Variants in TSPEAR observed in about 807,000 individuals in gnomAD.
TSPEAR encodes thrombospondin type laminin G domain and EAR repeats, also known as thrombospondin-type laminin G domain and EAR repeat-containing protein.
Under a neutral mutation model 71.6 loss-of-function variants are expected in TSPEAR, and 69 were observed. The observed-to-expected ratio is 0.96, with a 90% CI of 0.79 to 1.18. The LOEUF is 1.18. Ranked by LOEUF, TSPEAR falls within the 50% of genes most tolerant of loss-of-function variation. The pLI is 0.00. For missense variants in TSPEAR, 971 were observed against 894.9 expected (o/e 1.09, Z -1.09); for synonymous variants, 402 against 387.2 (o/e 1.04, Z -0.45).
At chr21:44,547,572 T>C (rs1239561127) in intron 2 of TSPEAR, among the ~76,000 whole-genome samples, 2 of 152,256 alleles carry the variant, frequency 1.3e-5, no homozygotes, top group African/African-American at 4.8e-5. Context: ...TGCTTGTTTA[T>C]GTCAAGTTAA....
chr21:44,567,879 C>T lies in TSPEAR; in HGVS notation c.209G>A (p.Ser70Asn), dbSNP rs376627339. 5.6e-6 allele frequency: 9 copies of T among 1,608,680 alleles called. No individual in the cohort carries two copies. The highest frequency in any genetic ancestry group is 6.8e-6 in the Non-Finnish European group (8 of 1,176,606). The change falls in exon 2 of 12, where the codon AGC (serine) becomes AAC (asparagine). Residue 70 changes from serine (S) to asparagine (N), a missense_variant. Ser to Asn is a conservative substitution (Grantham distance 46). Coordinates refer to ENST00000323084, the MANE Select transcript of TSPEAR (RefSeq NM_144991.3). The stretch of plus-strand genomic sequence containing the variant: ...GGAGAAAATCCTGGATGCTGGGAAG[C>T]TCATGGTGCGGGGGGCGGCTACTGA... The part of the protein sequence containing the change: ...QLSVAAPRTM[S>N]FPASRIFSQC...
rs1555953347 is a variant in TSPEAR at position 44,710,337 on chromosome 21, C to T, written c.82+1096G>A. 6.6e-6 allele frequency among the ~76,000 whole-genome samples: 1 copy of T among 152,156 alleles called. No homozygotes were observed. Among genetic ancestry groups the T allele is most frequent in the East Asian group, 1.9e-4 (1 of 5,192 alleles). On this transcript the variant is annotated intron_variant, in intron 1 of 11. Coordinates refer to ENST00000323084, the MANE Select transcript of TSPEAR (RefSeq NM_144991.3). This position sits in a 1 kb window ranked among gnomAD's most constrained non-coding sequence, Gnocchi z 4.6. Reference sequence around the variant, plus strand: ...AATGGTTCCAGCACGGAAGGTCTACCTACCTCCCACTGCACAGCCCGAGGG... The same window carrying T: ...AATGGTTCCAGCACGGAAGGTCTACTTACCTCCCACTGCACAGCCCGAGGG...
chr21:44,579,575 G>T (rs1200845519), intron 1 of TSPEAR: 2 of 717,984 alleles, frequency 2.8e-6, no homozygotes, highest in Admixed American at 5.9e-5. Flanking sequence ...CAGGCAGGTG[G>T]GCCCCTGCTG....
intron 9 of TSPEAR, chr21:44,516,648 C>T (rs143894401): frequency 3.9e-5 from 6 of 152,324 alleles, no homozygotes; most frequent in Middle Eastern, 3.4e-3. Flanking sequence ...ATGTCAGCCC[C>T]CAGAGCCAGG....
rs143842544 is a variant in TSPEAR at position 44,660,094 on chromosome 21, A to G, written c.82+51339T>C. ...ATTGACCAAATTAAAACACAAAGAG[A>G]AAGAGAAAGAGAAGGGTGGAGGGAG... is the stretch of plus-strand genomic sequence containing the variant. On this transcript the variant is annotated intron_variant, in intron 1 of 11. Coordinates refer to ENST00000323084, the MANE Select transcript of TSPEAR (RefSeq NM_144991.3). Among the ~76,000 whole-genome samples the G allele has an allele frequency of 4.4e-3, 675 of 152,266 alleles. 6 individuals carry two copies. The highest frequency in any genetic ancestry group is 0.016 in the African/African-American group (652 of 41,538).
chr21:44,649,473 G>A (rs368884959), intron 1 of TSPEAR, among the ~76,000 whole-genome samples: 3 of 152,086 alleles, frequency 2.0e-5, no homozygotes, highest in Admixed American at 6.5e-5. Flanking sequence ...CGCTACCCAC[G>A]TGTGCCAACA....
At chr21:44,647,184 C>G (rs782429833) in intron 1 of TSPEAR, 2 of 1,613,820 alleles carry the variant, frequency 1.2e-6, no homozygotes, top group South Asian at 2.2e-5. Flanking sequence ...TCCTCTGCCA[C>G]CCCGTGTGCA....
chr21:44,543,603 T>A (rs782273134), intron 2 of TSPEAR, among the ~76,000 whole-genome samples: 1 of 152,144 alleles, frequency 6.6e-6, no homozygotes, highest in Admixed American at 6.5e-5. Flanking sequence ...TTAAATCCAA[T>A]GTCTAGTGTC....
intron 1 of TSPEAR, among the ~76,000 whole-genome samples, chr21:44,651,243 C>T (rs1458107815): frequency 6.6e-6 from 1 of 152,220 alleles, no homozygotes; most frequent in East Asian, 1.9e-4. Context: ...CTTGTCTCTC[C>T]TCCCCTTTTC....
intron 1 of TSPEAR, among the ~76,000 whole-genome samples, chr21:44,701,096 T>A (rs1987626093): frequency 6.6e-6 from 1 of 152,026 alleles, no homozygotes; most frequent in East Asian, 1.9e-4. Context: ...GCAGATTGAT[T>A]AGATTGCTGA....
chr21:44,591,834 A>G (rs1979898394), intron 1 of TSPEAR: 2 of 1,597,828 alleles, frequency 1.3e-6, no homozygotes, highest in Non-Finnish European at 1.7e-6. Flanking sequence ...AGGTGCAGCA[A>G]GTTGGCTGGC....
At chr21:44,504,962 A>G in intron 10 of TSPEAR, 81 bp from the exon 11 acceptor site, 2 of 1,149,560 alleles carry the variant, frequency 1.7e-6, no homozygotes, top group South Asian at 2.5e-5. Flanking sequence ...CTACCTCCAA[A>G]ATTTATAGAG....
intron 1 of TSPEAR, chr21:44,666,748 G>T: frequency 1.2e-6 from 2 of 1,613,954 alleles, no homozygotes; most frequent in Middle Eastern, 1.6e-4. Flanking sequence ...AAGCTCACGG[G>T]CACACACACG....
chr21:44,586,479 A>T (rs1342140066), intron 1 of TSPEAR, among the ~76,000 whole-genome samples: 2 of 152,132 alleles, frequency 1.3e-5, no homozygotes, highest in African/African-American at 4.8e-5. Flanking sequence ...CCAAGAGAAA[A>T]TTCACAAGCC....
intron 2 of TSPEAR, among the ~76,000 whole-genome samples, chr21:44,562,816 C>A (rs1043830929): frequency 1.3e-5 from 2 of 152,128 alleles, no homozygotes; most frequent in Admixed American, 1.3e-4. Flanking sequence ...CCAGATAAAT[C>A]AAAACTGAGG....
chr21:44,672,037 G>T (rs1986078532), intron 1 of TSPEAR, among the ~76,000 whole-genome samples: 6 of 151,948 alleles, frequency 3.9e-5, no homozygotes, highest in Admixed American at 3.9e-4. Flanking sequence ...TCCTGGAAAT[G>T]AATAATTCAA....
chr21:44,528,101 G>A (rs587640519), intron 6 of TSPEAR, among the ~76,000 whole-genome samples: 4 of 152,276 alleles, frequency 2.6e-5, no homozygotes, highest in South Asian at 4.1e-4. Context: ...GGTACCACGC[G>A]ATGCCCAGCC....
At position 44,506,437 on chromosome 21, in the gene TSPEAR, TC is replaced by T. The variant is rs1299608945; in HGVS notation, c.1755-1557del. The stretch of plus-strand genomic sequence containing the variant: ...CAGTTCAGGCAGCAGAGGGGCCTCA[TC>T]CCGGTGCTTCCCTGCAGGCAGTTGT... On this transcript the variant is annotated intron_variant, in intron 10 of 11. Transcript: ENST00000323084. This position sits in a 1 kb window ranked among gnomAD's most constrained non-coding sequence, Gnocchi z 4.2. 1.3e-5 allele frequency among the ~76,000 whole-genome samples: 2 copies of T among 152,238 alleles called. No homozygotes were observed. Among genetic ancestry groups the T allele is most frequent in the African/African-American group, 2.4e-5 (1 of 41,464 alleles).
chr21:44,499,244 G>A lies in TSPEAR; in HGVS notation c.*539C>T, dbSNP rs1380130570. ...TCTCTGTATGGGGAGGTGGTCCTCT[G>A]TCCGTGTCCGTGGTGAGGGGCTGTG... On this transcript the variant is annotated 3_prime_UTR_variant, in exon 12 of 12. Transcript: ENST00000323084. The A allele has an allele frequency of 6.5e-6, 1 of 152,690 alleles. No homozygotes were observed. The highest frequency in any genetic ancestry group is 1.5e-5 in the Non-Finnish European group (1 of 68,222). The allele number at this position is 152,690 out of a possible 1,614,324, so 9.5% of individuals were successfully genotyped here.
Sources: gnomAD v4.1 joint callset for allele counts (sites outside exome capture counted in the v4.1 genomes callset) on GRCh38, gnomAD v4.1.1 for gene constraint, Gnocchi (gnomAD v3.1) non-coding constraint, MANE v1.5 for transcripts, NCBI Gene and HGNC (gene_info 2026-07-23, HGNC 2026-07-21) for gene names.